EML1: variants seen among roughly 807,000 people sequenced by gnomAD.
EML1 encodes the protein echinoderm microtubule-associated protein-like 1.
EML1 carries 27 observed loss-of-function variants against 110.4 expected under a neutral mutation model. The ratio of observed to expected loss-of-function variants is 0.24; its 90% CI spans 0.18 to 0.34. The LOEUF is 0.34. Ranked by LOEUF, EML1 falls within the 10% of genes least tolerant of loss-of-function variation. The pLI, the probability that EML1 is intolerant of heterozygous loss-of-function variation, is 1.00. For synonymous variants in EML1, 344 were observed against 385.8 expected, an observed-to-expected ratio of 0.89 and a Z score of 1.27; for missense variants, 741 against 1,030.9, an observed-to-expected ratio of 0.72 and a Z score of 3.85.
At chr14:99,845,129 G>C (rs1035683593) in intron 1 of EML1, among the ~76,000 whole-genome samples, 1 of 152,204 alleles carries the variant, frequency 6.6e-6, no homozygotes, top group Non-Finnish European at 1.5e-5. Context: ...CCCACCAGCA[G>C]TGGGGGAGAG....
chr14:99,774,157 G>A (rs529810959), intron 1 of EML1: 5 of 152,622 alleles, frequency 3.3e-5, no homozygotes, highest in African/African-American at 1.2e-4. Context: ...AGGACTCCAG[G>A]GGAGACAGGG....
At chr14:99,926,246 C>G (rs931638329) in intron 17 of EML1, among the ~76,000 whole-genome samples, 2 of 151,688 alleles carry the variant, frequency 1.3e-5, no homozygotes. Context: ...TTGGCCACAG[C>G]TAGAAGAACT....
chr14:99,856,131 C>A (rs915422947), intron 2 of EML1, among the ~76,000 whole-genome samples: 9 of 152,164 alleles, frequency 5.9e-5, no homozygotes, highest in Non-Finnish European at 1.2e-4. Flanking sequence ...GAGAATGAAA[C>A]CTCTGGGAGG....
At chr14:99,846,618 G>T (rs1404524732) in intron 1 of EML1, among the ~76,000 whole-genome samples, 1 of 151,882 alleles carries the variant, frequency 6.6e-6, no homozygotes, top group Non-Finnish European at 1.5e-5. Context: ...GCCAACCCCT[G>T]CTTGATCCCA....
chr14:99,811,864 A>G lies in EML1; in HGVS notation c.67+18321A>G, dbSNP rs145578717. 2.8e-4 allele frequency among the ~76,000 whole-genome samples: 42 copies of G among 151,848 alleles called. No homozygotes were observed. The East Asian group carries it at 4.4e-3, about 16-fold the overall frequency. On this transcript the variant is annotated intron_variant, in intron 1 of 21. Coordinates refer to ENST00000262233, the MANE Select transcript of EML1 (RefSeq NM_004434.3). ...GAAAGAAAGAAAATAAAGAAAAATC[A>G]TAAGGAAGAGAAAATACATGTACTA...
chr14:99,824,928 C>T (rs762894601), intron 1 of EML1, among the ~76,000 whole-genome samples: 1 of 152,166 alleles, frequency 6.6e-6, no homozygotes, highest in Non-Finnish European at 1.5e-5. Flanking sequence ...CAGTTCCATC[C>T]ATGTTGCTAA....
chr14:99,802,111 C>G (rs1360088014), intron 1 of EML1, among the ~76,000 whole-genome samples: 1 of 152,124 alleles, frequency 6.6e-6, no homozygotes, highest in Non-Finnish European at 1.5e-5. Flanking sequence ...TTCTAGTCTG[C>G]TCACTGCAGG....
At chr14:99,847,311 G>A (rs981404293) in intron 1 of EML1, among the ~76,000 whole-genome samples, 6 of 152,190 alleles carry the variant, frequency 3.9e-5, no homozygotes, top group African/African-American at 9.6e-5. Flanking sequence ...AAGTCAACAC[G>A]GTTTATAGTG....
At chr14:99,881,103 G>A (rs2059377895) in intron 4 of EML1, among the ~76,000 whole-genome samples, 1 of 152,218 alleles carries the variant, frequency 6.6e-6, no homozygotes, top group Admixed American at 6.5e-5. Flanking sequence ...CATCGGGCGG[G>A]AGCTGGTCTG....
At position 99,936,030 on chromosome 14, in the gene EML1, T is replaced by A; in HGVS notation, c.1911T>A (p.Asp637Glu). Residue 637 changes from aspartate to glutamate, a missense_variant and splice_region_variant, in exon 18 of 22, where the codon GAT (aspartate) becomes GAA (glutamate). Asp to Glu is a conservative substitution (Grantham distance 45). This residue lies in a region of EML1 where 388 missense variants were observed against 605.6 expected (regional missense o/e 0.64). Coordinates refer to ENST00000262233, the MANE Select transcript of EML1 (RefSeq NM_004434.3). This position sits in a 1 kb window ranked among gnomAD's most constrained non-coding sequence, Gnocchi z 5.5. The stretch of plus-strand genomic sequence containing the variant: ...ATGTAATTTGTCATCTTTTTATAGA[T>A]GGGAATTTCTTAGCCATAGGCTCAC... ...EQLSVMRYSP[D>E]GNFLAIGSHD... is the part of the protein sequence containing the mutation. 1.9e-6 allele frequency: 3 copies of A among 1,613,800 alleles called. No homozygotes were observed. Among genetic ancestry groups the A allele is most frequent in the Non-Finnish European group, 2.5e-6 (3 of 1,179,762 alleles).
chr14:99,826,105 A>ATTTTTTTT (rs71113225), intron 1 of EML1, among the ~76,000 whole-genome samples: 22 of 79,962 alleles, frequency 2.8e-4, no homozygotes, highest in East Asian at 1.3e-3. Context: ...CTGTGCATTG[A>ATTTTTTTT]TTTTTTTTTT....
chr14:99,805,249 T>C lies in EML1; in HGVS notation c.67+11706T>C, dbSNP rs113363364. On this transcript the variant is annotated intron_variant, in intron 1 of 21. Transcript: ENST00000262233. ...TTCTGGCTCATGTGACTCAGTGGGC[T>C]CTCAGTACTAGTTTGTTGAACAAAA... is the stretch of plus-strand genomic sequence containing the variant. Among the ~76,000 whole-genome samples, 541 of 152,304 alleles carry C rather than the reference T, an allele frequency of 3.6e-3. 3 individuals are homozygous for C. Among genetic ancestry groups the C allele is most frequent in the African/African-American group, 0.011 (464 of 41,562 alleles).
At chr14:99,777,996 G>A (rs1273227024) in intron 1 of EML1, among the ~76,000 whole-genome samples, 1 of 152,058 alleles carries the variant, frequency 6.6e-6, no homozygotes, top group Non-Finnish European at 1.5e-5. Context: ...GGCTCACTAT[G>A]TTGCCAAGGC....
intron 1 of EML1, among the ~76,000 whole-genome samples, chr14:99,826,580 T>C (rs1248866415): frequency 6.6e-6 from 1 of 152,112 alleles, no homozygotes; most frequent in East Asian, 1.9e-4. Context: ...CCTTCTGCAG[T>C]TCCCCATGGG....
In EML1 at chr14:99,917,764, TC is replaced by T. The variant is rs774125774; in HGVS notation, c.1753-16del. 4 of 1,613,874 alleles carry T rather than the reference TC, an allele frequency of 2.5e-6. No individual in the cohort carries two copies. In the East Asian group the frequency reaches 8.9e-5, roughly 36 times the overall value. ...TTCTATCTGTTCATCAATTTACACT[TC>T]CTTTAAAATATTTTAGGATCCAGCT... On this transcript the variant is annotated splice_polypyrimidine_tract_variant and intron_variant, in intron 15 of 21. Coordinates refer to ENST00000262233, the MANE Select transcript of EML1 (RefSeq NM_004434.3).
chr14:99,847,212 A>G (rs117196183), intron 1 of EML1, among the ~76,000 whole-genome samples: 860 of 152,286 alleles, frequency 5.6e-3, no homozygotes, highest in Non-Finnish European at 0.01. Flanking sequence ...ATTTATTTCA[A>G]TCTGTTTAAT....
rs929135637 is a variant in EML1, at chr14:99,939,473, A to G, written c.2322+146A>G. On this transcript the variant is annotated intron_variant, in intron 21 of 21. Coordinates refer to ENST00000262233, the MANE Select transcript of EML1 (RefSeq NM_004434.3). The surrounding 1 kb of genome is among the most constrained non-coding windows in gnomAD (Gnocchi z 4.2). ...TGACTCTGTTCTTTGCGCCCTGAGCACTTCCAGCCGCCCTTAGGGAAACCC... is the reference window on the plus strand; with the variant it reads ...TGACTCTGTTCTTTGCGCCCTGAGCGCTTCCAGCCGCCCTTAGGGAAACCC... 7 of 1,332,190 alleles carry G rather than the reference A, an allele frequency of 5.3e-6. No homozygotes were observed. Among genetic ancestry groups the G allele is most frequent in the Non-Finnish European group, 7.1e-6 (7 of 988,726 alleles). The allele number at this position is 1,332,190 out of a possible 1,614,324, so 82.5% of individuals were successfully genotyped here.
At chr14:99,902,459 G>A (rs2059778244) in intron 9 of EML1, among the ~76,000 whole-genome samples, 1 of 152,156 alleles carries the variant, frequency 6.6e-6, no homozygotes, top group African/African-American at 2.4e-5. Context: ...AACGACTGAT[G>A]AAACTAGAAT....
chr14:99,853,743 C>T (rs2058852636), intron 2 of EML1, among the ~76,000 whole-genome samples: 1 of 152,130 alleles, frequency 6.6e-6, no homozygotes, highest in Admixed American at 6.5e-5. Context: ...GATCTTGGTT[C>T]TCTGCAACCT....
Sources: allele counts gnomAD v4.1 joint callset (sites outside exome capture counted in the v4.1 genomes callset), GRCh38; gene constraint gnomAD v4.1.1; regional missense constraint gnomAD v4.1.1; non-coding constraint Gnocchi (gnomAD v3.1); transcripts MANE v1.5; gene names NCBI Gene and HGNC (gene_info 2026-07-23, HGNC 2026-07-21).